MTUS2: variants seen among roughly 807,000 people sequenced by gnomAD.
The protein encoded by MTUS2 is microtubule associated scaffold protein 2, also known as microtubule-associated tumor suppressor candidate 2.
In MTUS2, 40 loss-of-function variants were observed where a neutral mutation model predicts 114.1. The ratio of observed to expected loss-of-function variants is 0.35; its 90% CI spans 0.27 to 0.46. The LOEUF is 0.46. Among genes scored for constraint, MTUS2 ranks in the 20% least tolerant of loss-of-function variants. The probability of loss-of-function intolerance (pLI) is 1.00; values close to 1 mark genes in which losing one functional copy is unlikely to be tolerated. For missense variants in MTUS2, 1,679 were observed against 1,705.4 expected, an observed-to-expected ratio of 0.98 and a Z score of 0.27; for synonymous variants, 688 against 672.0, an observed-to-expected ratio of 1.02 and a Z score of -0.37.
chr13:28,999,276 C>A (rs146579407), intron 2 of MTUS2, among the ~76,000 whole-genome samples: 7 of 152,088 alleles, frequency 4.6e-5, no homozygotes, highest in African/African-American at 7.2e-5. Context: ...AGTACCTGGC[C>A]GTGTGAGGTG....
intron 11 of MTUS2, among the ~76,000 whole-genome samples, chr13:29,491,880 TGG>T (rs1463255888): frequency 2.6e-4 from 34 of 132,738 alleles, no homozygotes; most frequent in Admixed American, 9.1e-4. Context: ...GTGTGTGTGG[TGG>T]GTGTGTATGT....
intron 9 of MTUS2, among the ~76,000 whole-genome samples, chr13:29,474,868 A>G (rs1217491063): frequency 6.6e-6 from 1 of 152,156 alleles, no homozygotes; most frequent in African/African-American, 2.4e-5. Context: ...GTTTTTATTC[A>G]TTTATATGTG....
intron 2 of MTUS2, among the ~76,000 whole-genome samples, chr13:28,970,950 T>A (rs1883827079): frequency 6.6e-6 from 1 of 152,204 alleles, no homozygotes; most frequent in Non-Finnish European, 1.5e-5. Flanking sequence ...TGGTATTTTA[T>A]CCTGTGGATT....
chr13:29,035,939 G>A (rs1316080158), intron 4 of MTUS2, among the ~76,000 whole-genome samples: 1 of 152,014 alleles, frequency 6.6e-6, no homozygotes, highest in Admixed American at 6.6e-5. Context: ...GAGGCCAGGA[G>A]TTTGAGACCA....
chr13:29,440,809 T>A (rs1877784223), intron 9 of MTUS2, among the ~76,000 whole-genome samples: 1 of 152,058 alleles, frequency 6.6e-6, no homozygotes. Flanking sequence ...AGGTGTGGCT[T>A]CCTCCGTGAG....
chr13:28,981,792 A>G (rs983003084), intron 2 of MTUS2, among the ~76,000 whole-genome samples: 2 of 152,078 alleles, frequency 1.3e-5, no homozygotes, highest in Non-Finnish European at 2.9e-5. Flanking sequence ...TGGTACTCTA[A>G]CGCTTCATCT....
intron 5 of MTUS2, among the ~76,000 whole-genome samples, chr13:29,220,250 C>G (rs957794807): frequency 1.3e-5 from 2 of 152,166 alleles, no homozygotes; most frequent in Non-Finnish European, 2.9e-5. Flanking sequence ...ATCTGGCCAC[C>G]TTGGCCTTCC....
intron 5 of MTUS2, among the ~76,000 whole-genome samples, chr13:29,231,136 A>G (rs887557463): frequency 8.5e-5 from 13 of 152,182 alleles, no homozygotes; most frequent in Non-Finnish European, 1.5e-5. Context: ...AGGTTTTAGT[A>G]CAAAGAATTT....
At chr13:28,959,351 C>T (rs189717862) in intron 2 of MTUS2, among the ~76,000 whole-genome samples, 1 of 152,154 alleles carries the variant, frequency 6.6e-6, no homozygotes, top group East Asian at 1.9e-4. Context: ...CAGAGAAGGC[C>T]CAGTGGAGAG....
intron 5 of MTUS2, among the ~76,000 whole-genome samples, chr13:29,192,370 A>G (rs1894483071): frequency 6.6e-6 from 1 of 152,216 alleles, no homozygotes; most frequent in South Asian, 2.1e-4. Flanking sequence ...AAAAAGTAGA[A>G]CAGAAGATAC....
At chr13:29,337,259 C>T (rs1426965602) in intron 7 of MTUS2, among the ~76,000 whole-genome samples, 3 of 152,140 alleles carry the variant, frequency 2.0e-5, no homozygotes, top group Non-Finnish European at 4.4e-5. Flanking sequence ...GTGCTTGAAA[C>T]CCAGGCCCCT....
At chr13:29,119,343 C>T (rs1043876291) in intron 5 of MTUS2, among the ~76,000 whole-genome samples, 1 of 151,670 alleles carries the variant, frequency 6.6e-6, no homozygotes, top group African/African-American at 2.4e-5. Flanking sequence ...ACCTTGTGGA[C>T]ACTGCATAAC....
intron 5 of MTUS2, among the ~76,000 whole-genome samples, chr13:29,188,962 T>C (rs1006116318): frequency 2.6e-5 from 4 of 152,134 alleles, no homozygotes; most frequent in Non-Finnish European, 5.9e-5. Context: ...ACAGGTACCA[T>C]AGGGATAGAT....
chr13:28,985,935 A>T (rs1884565312), intron 2 of MTUS2, among the ~76,000 whole-genome samples: 1 of 152,160 alleles, frequency 6.6e-6, no homozygotes, highest in South Asian at 2.1e-4. Context: ...CCCACCCTGC[A>T]GCTTTTGGAC....
At chr13:29,302,426 G>T (rs1324712250) in intron 6 of MTUS2, among the ~76,000 whole-genome samples, 1 of 152,144 alleles carries the variant, frequency 6.6e-6, no homozygotes, top group Non-Finnish European at 1.5e-5. Flanking sequence ...TGGAGTTTTG[G>T]CAGAGCAGCC....
At chr13:28,973,836 C>A (rs1216129725) in intron 2 of MTUS2, among the ~76,000 whole-genome samples, 3 of 152,154 alleles carry the variant, frequency 2.0e-5, no homozygotes, top group African/African-American at 4.8e-5. Context: ...TATTTTGATA[C>A]CTGATGTTAC....
At chr13:29,468,666 G>A (rs556152668) in intron 9 of MTUS2, among the ~76,000 whole-genome samples, 2 of 152,084 alleles carry the variant, frequency 1.3e-5, no homozygotes, top group African/African-American at 4.8e-5. Flanking sequence ...TTCTAGCTGT[G>A]TTAGCTTAGA....
chr13:29,064,307 G>T (rs551454972), intron 4 of MTUS2, among the ~76,000 whole-genome samples: 1 of 151,808 alleles, frequency 6.6e-6, no homozygotes, highest in African/African-American at 2.4e-5. Flanking sequence ...GAGTGTGTGG[G>T]TTGGTTGTCA....
At chr13:29,276,955 T>G (rs1220677450) in intron 5 of MTUS2, among the ~76,000 whole-genome samples, 11 of 152,080 alleles carry the variant, frequency 7.2e-5, no homozygotes. Context: ...AAGAATAATA[T>G]AGGGAAATTC....
Sources: allele counts gnomAD v4.1 joint callset (sites outside exome capture counted in the v4.1 genomes callset), GRCh38; gene constraint gnomAD v4.1.1; transcripts MANE v1.5; gene names NCBI Gene and HGNC (gene_info 2026-07-23, HGNC 2026-07-21).